The following ADGRG2 variants were observed in gnomAD, a reference collection of about 807,000 sequenced individuals.
ADGRG2 encodes the protein G protein-coupled receptor 64.
ADGRG2 carries 26 observed loss-of-function variants against 74.1 expected under a neutral mutation model. The ratio of observed to expected loss-of-function variants is 0.35; its 90% CI spans 0.26 to 0.49. The LOEUF is 0.49. ADGRG2 is among the 20% of genes least tolerant of loss of function. ADGRG2 has a pLI of 0.99. For missense variants in ADGRG2, 619 were observed against 763.1 expected, an observed-to-expected ratio of 0.81 and a Z score of 2.22; for synonymous variants, 296 against 295.2, an observed-to-expected ratio of 1.00 and a Z score of -0.03.
At chrX:19,101,610 A>C (rs1186705149) in intron 1 of ADGRG2, among the ~76,000 whole-genome samples, 1 of 109,775 alleles carries the variant, frequency 9.1e-6, no homozygotes, top group African/African-American at 3.3e-5. Flanking sequence ...CTGAGATGGG[A>C]GGATCATTTG....
chrX:19,065,327 AAAAT>A (rs1211590487), intron 3 of ADGRG2, among the ~76,000 whole-genome samples: 2 of 105,870 alleles, frequency 1.9e-5, no homozygotes, highest in Non-Finnish European at 4.0e-5. Flanking sequence ...AAACAAAAAC[AAAAT>A]AAATAAATAA....
chrX:19,077,014 A>T (rs1434376031), intron 2 of ADGRG2, among the ~76,000 whole-genome samples: 1 of 111,517 alleles, frequency 9.0e-6, no homozygotes, highest in Non-Finnish European at 1.9e-5. Context: ...AGTTGAGTAG[A>T]CATGTTGTAA....
rs993007534 is a variant in ADGRG2, at chrX:18,989,589, A to G, written c.*1275T>C. The stretch of plus-strand genomic sequence containing the variant: ...CAGATGTAGGTAGGAAGCAAGATAG[A>G]CCCTGTATATAACTAGGAGCAATCA... On this transcript the variant is annotated 3_prime_UTR_variant, in exon 29 of 29. Coordinates refer to ENST00000379869, the MANE Select transcript of ADGRG2 (RefSeq NM_001079858.3). 1 of 111,671 alleles carries G rather than the reference A, an allele frequency of 9.0e-6. No homozygotes were observed. Among genetic ancestry groups the G allele is most frequent in the Non-Finnish European group, 1.9e-5 (1 of 53,141 alleles). 9.2% of individuals were successfully genotyped at this position (111,671 alleles called of 1,213,427 possible). A position where few individuals can be genotyped will look rare whatever the true frequency, so the allele number is the denominator to read the frequency against.
intron 1 of ADGRG2, among the ~76,000 whole-genome samples, chrX:19,113,415 A>C (rs1003912043): frequency 4.5e-5 from 5 of 111,973 alleles, no homozygotes; most frequent in African/African-American, 1.6e-4. Flanking sequence ...AGAAGGAAAA[A>C]AATGCTGTAA....
At chrX:19,012,953 C>T (rs980526639) in intron 16 of ADGRG2, among the ~76,000 whole-genome samples, 8 of 111,648 alleles carry the variant, frequency 7.2e-5, no homozygotes, top group Non-Finnish European at 1.1e-4. Flanking sequence ...GAGGCCTTGG[C>T]GGTTTCCACA....
intron 2 of ADGRG2, among the ~76,000 whole-genome samples, chrX:19,075,961 G>A (rs1385952226): frequency 1.8e-5 from 2 of 112,373 alleles, no homozygotes; most frequent in Non-Finnish European, 3.8e-5. Context: ...TGGTGGGTTT[G>A]TGGCCAGGCC....
At chrX:19,112,715 T>C (rs1486387315) in intron 1 of ADGRG2, among the ~76,000 whole-genome samples, 1 of 106,945 alleles carries the variant, frequency 9.4e-6, no homozygotes, top group Non-Finnish European at 1.9e-5. Context: ...CACTCAGCAC[T>C]TTGGGAGGCC....
intron 2 of ADGRG2, among the ~76,000 whole-genome samples, chrX:19,072,715 T>A (rs919403637): frequency 9.0e-6 from 1 of 110,638 alleles, no homozygotes; most frequent in Non-Finnish European, 1.9e-5. Flanking sequence ...AATATATAGA[T>A]CAAGAACTTA....
At chrX:19,001,809 A>C (rs1395682053) in intron 24 of ADGRG2, among the ~76,000 whole-genome samples, 1 of 111,546 alleles carries the variant, frequency 9.0e-6, no homozygotes, top group Non-Finnish European at 1.9e-5. Context: ...AGAAGGCTGC[A>C]TATAAGGAGA....
intron 13 of ADGRG2, 123 bp downstream of exon 13, chrX:19,023,293 G>T (rs944288312): frequency 2.3e-6 from 1 of 430,523 alleles, no homozygotes. Context: ...AATCCAAAAT[G>T]TCATTAATAT....
intron 1 of ADGRG2, among the ~76,000 whole-genome samples, chrX:19,110,829 G>C (rs1323709635): frequency 8.9e-6 from 1 of 111,832 alleles, no homozygotes; most frequent in Non-Finnish European, 1.9e-5. Flanking sequence ...AAGAAGCACA[G>C]TCAGCAAGAG....
intron 3 of ADGRG2, among the ~76,000 whole-genome samples, chrX:19,049,527 T>G (rs1179339866): frequency 9.3e-6 from 1 of 107,037 alleles, no homozygotes; most frequent in Non-Finnish European, 1.9e-5. Flanking sequence ...CCACTGAGAA[T>G]GCATGACCTA....
chrX:19,092,820 T>C (rs1457970610), intron 1 of ADGRG2, among the ~76,000 whole-genome samples: 1 of 111,546 alleles, frequency 9.0e-6, no homozygotes, highest in Admixed American at 9.6e-5. Context: ...ACTTGTTCTG[T>C]GAAGGCTAAC....
intron 1 of ADGRG2, among the ~76,000 whole-genome samples, chrX:19,097,136 T>C (rs1045739860): frequency 8.9e-6 from 1 of 112,399 alleles, no homozygotes; most frequent in African/African-American, 3.2e-5. Context: ...TCCCACTTGA[T>C]CACAGCTGTC....
rs771998499 is a variant in ADGRG2 at position 18,993,137 on chromosome X, T to C, written c.2869+1759A>G. On this transcript the variant is annotated intron_variant, in intron 28 of 28. Transcript: ENST00000379869. ...CTATACAACAGTTATTTCTCATCTT[T>C]TACAGCAGTGATTCTCAACTGGGGG... Among the ~76,000 whole-genome samples, 79 of 111,954 alleles carry C rather than the reference T, an allele frequency of 7.1e-4. 1 individual carries two copies. Among genetic ancestry groups the C allele is most frequent in the Non-Finnish European group, 1.3e-3 (68 of 53,195 alleles).
upstream of ADGRG2, chrX:19,122,509 G>GCGGCCCTCCTCCCCCCGCCCGCGGCCT (rs2062627499): frequency 9.0e-6 from 1 of 110,680 alleles, no homozygotes; most frequent in Non-Finnish European, 1.9e-5. Flanking sequence ...CTCCGGGGCT[G>GCGGCCCTCCTCCCCCCGCCCGCGGCCT]CGGCCCTCCT....
At chrX:19,065,131 C>T (rs1033281202) in intron 3 of ADGRG2, among the ~76,000 whole-genome samples, 1 of 107,174 alleles carries the variant, frequency 9.3e-6, no homozygotes, top group African/African-American at 3.4e-5. Context: ...ATTAGTTGGG[C>T]GTGGTGATGT....
chrX:19,025,068 C>A (rs2060671309), intron 11 of ADGRG2, among the ~76,000 whole-genome samples: 1 of 112,149 alleles, frequency 8.9e-6, no homozygotes, highest in South Asian at 3.7e-4. Context: ...AGCCACCATG[C>A]CCCACCTACA....
chrX:19,053,551 A>G (rs888714545), intron 3 of ADGRG2, among the ~76,000 whole-genome samples: 1 of 111,977 alleles, frequency 8.9e-6, no homozygotes, highest in African/African-American at 3.2e-5. Context: ...CCATTTGCTA[A>G]CTATGTAACT....
Sources: gnomAD v4.1 joint callset for allele counts (sites outside exome capture counted in the v4.1 genomes callset) on GRCh38, gnomAD v4.1.1 for gene constraint, MANE v1.5 for transcripts, NCBI Gene and HGNC (gene_info 2026-07-23, HGNC 2026-07-21) for gene names.